The following GUCY1B1 variants were observed in gnomAD, a reference collection of about 807,000 sequenced individuals.
The protein encoded by GUCY1B1 is guanylate cyclase 1 soluble subunit beta 1.
Under a neutral mutation model 71.0 loss-of-function variants are expected in GUCY1B1, and 43 were observed. The ratio of observed to expected loss-of-function variants is 0.61; its 90% confidence interval spans 0.47 to 0.78. The LOEUF is 0.78. GUCY1B1 is among the 30% of genes least tolerant of loss of function. The probability of loss-of-function intolerance (pLI) is 0.00; values close to 1 mark genes in which losing one functional copy is unlikely to be tolerated. For missense variants in GUCY1B1, 535 were observed against 754.1 expected, an observed-to-expected ratio of 0.71 and a Z score of 3.40; for synonymous variants, 266 against 259.7, an observed-to-expected ratio of 1.02 and a Z score of -0.23.
Position 155,803,633 on chromosome 4 carries a change from G to C in GUCY1B1, c.1423G>C (p.Val475Leu). The C allele has an allele frequency of 6.3e-7, 1 of 1,586,380 alleles. No homozygotes were observed. The highest frequency in any genetic ancestry group is 8.6e-7 in the Non-Finnish European group (1 of 1,166,620). Residue 475 changes from valine to leucine, a missense_variant, in exon 11 of 14, where the codon GTT becomes CTT. Transcript: ENST00000264424. ...ATATATGTACTGTTAGGTGGAGACT[G>C]TTGGTGACAAGTATATGACAGTGAG... Reference protein sequence around the residue: ...KNPFVYKVETVGDKYMTVSGL... With the variant: ...KNPFVYKVETLGDKYMTVSGL...
intron 2 of GUCY1B1, among the ~76,000 whole-genome samples, chr4:155,771,752 A>G (rs781736564): frequency 2.0e-4 from 30 of 152,196 alleles, no homozygotes; most frequent in Non-Finnish European, 4.1e-4. Context: ...AAAGATATTC[A>G]TAACATTTTT....
intron 13 of GUCY1B1, 118 bp downstream of exon 13, chr4:155,805,347 C>T: frequency 3.5e-6 from 3 of 852,716 alleles, no homozygotes; most frequent in South Asian, 1.9e-5. Context: ...CAGAAATTAA[C>T]TTCTAAGTAA....
chr4:155,785,212 G>T, intron 4 of GUCY1B1: 3 of 702,442 alleles, frequency 4.3e-6, no homozygotes, highest in South Asian at 3.5e-5. Context: ...CAAAATAGAT[G>T]AATGGACCTA....
chr4:155,783,222 C>A (rs1738555826), intron 4 of GUCY1B1, among the ~76,000 whole-genome samples: 1 of 152,092 alleles, frequency 6.6e-6, no homozygotes, highest in Non-Finnish European at 1.5e-5. Flanking sequence ...TAATCTATTA[C>A]CCCTGGGAAT....
chr4:155,778,034 T>C (rs1738176984), intron 4 of GUCY1B1, among the ~76,000 whole-genome samples: 1 of 152,194 alleles, frequency 6.6e-6, no homozygotes. Context: ...AGTTTGTAGA[T>C]ATAATCGAGC....
intron 5 of GUCY1B1, among the ~76,000 whole-genome samples, chr4:155,792,291 T>G (rs1028303281): frequency 6.6e-6 from 1 of 152,078 alleles, no homozygotes; most frequent in Non-Finnish European, 1.5e-5. Flanking sequence ...GCCAGTTTGA[T>G]CAAAGCAAAA....
At chr4:155,778,553 T>G (rs1393440626) in intron 4 of GUCY1B1, among the ~76,000 whole-genome samples, 1 of 152,180 alleles carries the variant, frequency 6.6e-6, no homozygotes, top group East Asian at 1.9e-4. Context: ...ACAGCCAAAA[T>G]AAGAACTTTA....
intron 4 of GUCY1B1, among the ~76,000 whole-genome samples, chr4:155,784,169 C>T (rs966759407): frequency 1.4e-4 from 22 of 152,046 alleles, no homozygotes; most frequent in African/African-American, 5.1e-4. Flanking sequence ...ACGCTATTTC[C>T]ATTTAAATAA....
chr4:155,802,249 A>G lies in GUCY1B1; in HGVS notation c.1176-93A>G, dbSNP rs1265665481. ...CTAGAATCCAGGCCTTTAAAGTACA[A>G]ACGACACTGATGCTGTGTGAAAAGG... is the stretch of plus-strand genomic sequence containing the variant. On this transcript the variant is annotated intron_variant, in intron 9 of 13. Coordinates refer to ENST00000264424, the MANE Select transcript of GUCY1B1 (RefSeq NM_000857.5). The surrounding 1 kb of genome is among the most constrained non-coding windows in gnomAD (Gnocchi z 4.3). 2 of 1,562,402 alleles carry G rather than the reference A, an allele frequency of 1.3e-6. No homozygotes were observed. Among genetic ancestry groups the G allele is most frequent in the Non-Finnish European group, 1.7e-6 (2 of 1,155,260 alleles).
At chr4:155,786,533 G>A (rs1738796108) in intron 4 of GUCY1B1, among the ~76,000 whole-genome samples, 1 of 133,838 alleles carries the variant, frequency 7.5e-6, no homozygotes, top group Non-Finnish European at 1.5e-5. Context: ...GCAGTGGCGA[G>A]ATTTCGGCTC....
rs1740203558 is a variant in GUCY1B1 at position 155,804,765 on chromosome 4, G to T, written c.1709+18G>T. 2 of 1,598,072 alleles carry T rather than the reference G, an allele frequency of 1.3e-6. No individual in the cohort carries two copies. The highest frequency in any genetic ancestry group is 2.2e-5 in the East Asian group (1 of 44,560). The stretch of plus-strand genomic sequence containing the variant: ...ACATACAGGTGAGAGAAAATGTCTT[G>T]GTATTTACTGATTTGCAAAGAAAAT... On this transcript the variant is annotated intron_variant, in intron 12 of 13. Coordinates refer to ENST00000264424, the MANE Select transcript of GUCY1B1 (RefSeq NM_000857.5).
intron 5 of GUCY1B1, among the ~76,000 whole-genome samples, chr4:155,791,150 T>C (rs958872474): frequency 1.2e-4 from 18 of 151,456 alleles, no homozygotes; most frequent in Admixed American, 5.2e-4. Context: ...AGTCTCACTC[T>C]GTCTCCCAGG....
chr4:155,805,866 A>G (rs1740277233), intron 13 of GUCY1B1, among the ~76,000 whole-genome samples: 2 of 152,158 alleles, frequency 1.3e-5, no homozygotes, highest in Admixed American at 6.6e-5. Context: ...GCACATCCAA[A>G]GTGGAATCAC....
chr4:155,775,496 G>A (rs1278243631), intron 3 of GUCY1B1, among the ~76,000 whole-genome samples: 1 of 152,066 alleles, frequency 6.6e-6, no homozygotes, highest in Non-Finnish European at 1.5e-5. Context: ...GTTTCATCAT[G>A]TTGTCCAGGT....
chr4:155,793,253 T>A (rs1477599920), intron 5 of GUCY1B1, among the ~76,000 whole-genome samples: 3 of 152,034 alleles, frequency 2.0e-5, no homozygotes, highest in Admixed American at 1.3e-4. Flanking sequence ...ATTTTTGTAT[T>A]TTTAGTAGAG....
At position 155,804,542 on chromosome 4, in the gene GUCY1B1, A is replaced by G. The variant is rs1000728651; in HGVS notation, c.1555-51A>G. On this transcript the variant is annotated intron_variant, in intron 11 of 13. Coordinates refer to ENST00000264424, the MANE Select transcript of GUCY1B1 (RefSeq NM_000857.5). ...CTTAAAGTAAAATAAAAAAAAAAAA[A>G]TTCATGTGTTAGTGATCAAAATGAT... 4.8e-6 allele frequency: 7 copies of G among 1,454,638 alleles called. No homozygotes were observed. The African/African-American group carries it at 1.0e-4, about 21-fold the overall frequency. The allele number at this position is 1,454,638 out of a possible 1,614,324, so 90.1% of individuals were successfully genotyped here.
chr4:155,768,601 G>A (rs1381762342), intron 2 of GUCY1B1, among the ~76,000 whole-genome samples: 2 of 151,694 alleles, frequency 1.3e-5, no homozygotes. Context: ...AGGCACCTGG[G>A]TTAGGCACCA....
intron 4 of GUCY1B1, among the ~76,000 whole-genome samples, chr4:155,783,444 A>G (rs2111074980): frequency 6.6e-6 from 1 of 152,362 alleles, no homozygotes; most frequent in East Asian, 1.9e-4. Flanking sequence ...ACCTAATTTA[A>G]ATTAGAACTC....
rs769796051 is a variant in GUCY1B1 at position 155,802,252 on chromosome 4, G to A, written c.1176-90G>A. On this transcript the variant is annotated intron_variant, in intron 9 of 13. Transcript: ENST00000264424. This position sits in a 1 kb window ranked among gnomAD's most constrained non-coding sequence, Gnocchi z 4.3. ...GAATCCAGGCCTTTAAAGTACAAAC[G>A]ACACTGATGCTGTGTGAAAAGGACA... 1.1e-5 allele frequency: 18 copies of A among 1,569,592 alleles called. No homozygotes were observed. The highest frequency in any genetic ancestry group is 2.3e-5 in the South Asian group (2 of 86,638).
Sources: allele counts gnomAD v4.1 joint callset (sites outside exome capture counted in the v4.1 genomes callset), GRCh38; gene constraint gnomAD v4.1.1; non-coding constraint Gnocchi (gnomAD v3.1); transcripts MANE v1.5; gene names NCBI Gene and HGNC (gene_info 2026-07-23, HGNC 2026-07-21).